Variants in EIF3E observed in about 807,000 individuals in gnomAD.
EIF3E encodes eukaryotic translation initiation factor 3 subunit E, also known as eIF-3 p48.
Under a neutral mutation model 59.3 loss-of-function variants are expected in EIF3E, and 25 were observed. The ratio of observed to expected loss-of-function variants is 0.42; its 90% CI spans 0.31 to 0.59. EIF3E has a LOEUF of 0.59. Among genes scored for constraint, EIF3E ranks in the 20% least tolerant of loss-of-function variants. The probability of loss-of-function intolerance (pLI) is 0.15; values close to 1 mark genes in which losing one functional copy is unlikely to be tolerated. For synonymous variants in EIF3E, 176 were observed against 170.2 expected, an observed-to-expected ratio of 1.03 and a Z score of -0.26; for missense variants, 317 against 534.3, an observed-to-expected ratio of 0.59 and a Z score of 4.01.
At chr8:108,239,868 T>C (rs1203959171) in intron 3 of EIF3E, 90 bp downstream of exon 3, 3 of 1,062,758 alleles carry the variant, frequency 2.8e-6, no homozygotes, top group Non-Finnish European at 4.3e-6. Context: ...CCATGAACTT[T>C]TACTATGGGA....
intron 5 of EIF3E, among the ~76,000 whole-genome samples, chr8:108,232,526 A>G (rs1203288003): frequency 6.6e-6 from 1 of 152,178 alleles, no homozygotes; most frequent in Non-Finnish European, 1.5e-5. Flanking sequence ...ATATTTTAAA[A>G]AAATAAACAT....
At chr8:108,215,858 C>A (rs2129864730) in intron 9 of EIF3E, among the ~76,000 whole-genome samples, 1 of 152,196 alleles carries the variant, frequency 6.6e-6, no homozygotes. Flanking sequence ...TATAAGTCTT[C>A]CATTTGCTCT....
chr8:108,207,575 C>T (rs985976519), intron 10 of EIF3E, among the ~76,000 whole-genome samples: 2 of 152,126 alleles, frequency 1.3e-5, no homozygotes, highest in Non-Finnish European at 2.9e-5. Flanking sequence ...AATATCTAGT[C>T]CAATCCAGAT....
chr8:108,244,024 A>C (rs1280008995), intron 1 of EIF3E, among the ~76,000 whole-genome samples: 1 of 152,194 alleles, frequency 6.6e-6, no homozygotes, highest in Admixed American at 6.5e-5. Context: ...CTGCCTCATA[A>C]GCAGAAAGCA....
intron 11 of EIF3E, 52 bp downstream of exon 11, chr8:108,203,349 A>G: frequency 6.6e-7 from 1 of 1,519,782 alleles, no homozygotes; most frequent in Non-Finnish European, 9.0e-7. Flanking sequence ...AAGAATTCCC[A>G]AAAGTATAAT....
chr8:108,235,387 G>A (rs1442542820), intron 4 of EIF3E, among the ~76,000 whole-genome samples: 1 of 152,170 alleles, frequency 6.6e-6, no homozygotes, highest in Non-Finnish European at 1.5e-5. Context: ...GATCATCAAG[G>A]CACTAGCTGG....
chr8:108,238,581 T>C (rs1313377246), intron 3 of EIF3E, among the ~76,000 whole-genome samples: 2 of 152,230 alleles, frequency 1.3e-5, no homozygotes, highest in Non-Finnish European at 2.9e-5. Flanking sequence ...CAATCTGCAG[T>C]TGGCTGAATC....
chr8:108,241,777 C>G (rs1815840932), intron 2 of EIF3E, 22 bp downstream of exon 2: 2 of 1,429,402 alleles, frequency 1.4e-6, no homozygotes, highest in Non-Finnish European at 1.9e-6. Context: ...AGACAAGTTT[C>G]AGTTCTAATG....
At chr8:108,239,651 C>T (rs1422768019) in intron 3 of EIF3E, among the ~76,000 whole-genome samples, 1 of 152,018 alleles carries the variant, frequency 6.6e-6, no homozygotes, top group African/African-American at 2.4e-5. Context: ...TTATGACAAC[C>T]AAAAAGTATT....
chr8:108,205,910 T>C (rs1815092575), intron 10 of EIF3E, among the ~76,000 whole-genome samples: 1 of 152,208 alleles, frequency 6.6e-6, no homozygotes, highest in Non-Finnish European at 1.5e-5. Context: ...TTTATCATAG[T>C]TATGTGTGCA....
At chr8:108,202,249 T>C (rs530184917) in intron 12 of EIF3E, among the ~76,000 whole-genome samples, 4 of 152,124 alleles carry the variant, frequency 2.6e-5, no homozygotes, top group Admixed American at 1.3e-4. Flanking sequence ...GGCTCAGTTA[T>C]TCTAAACTTG....
chr8:108,242,123 A>G, intron 1 of EIF3E: 1 of 1,439,656 alleles, frequency 6.9e-7, no homozygotes, highest in Admixed American at 2.1e-5. Flanking sequence ...TAAAAATTTT[A>G]AAATGAAGAG....
In EIF3E at chr8:108,245,256, A is replaced by G. The variant is rs532235872; in HGVS notation, c.91-3343T>C. On this transcript the variant is annotated intron_variant, in intron 1 of 12. Transcript: ENST00000220849. ...CCAAGGTGGCAGATCACTTGAGTTC[A>G]GGAGTTTGAGACCAGCCTGGGTAAC... Among the ~76,000 whole-genome samples the G allele has an allele frequency of 6.6e-5, 10 of 152,216 alleles. No homozygotes were observed. In the South Asian group the frequency reaches 2.1e-3, roughly 32 times the overall value.
chr8:108,242,848 C>A (rs28490402), intron 1 of EIF3E: 8,594 of 196,728 alleles, frequency 0.044, 352 homozygotes, highest in African/African-American at 0.12. Flanking sequence ...ACAATAAAAA[C>A]CTAAAAAATC....
At chr8:108,229,590 G>A (rs1815583388) in intron 5 of EIF3E, among the ~76,000 whole-genome samples, 1 of 151,994 alleles carries the variant, frequency 6.6e-6, no homozygotes, top group African/African-American at 2.4e-5. Context: ...CAAGACACGT[G>A]AGTCTCATTT....
chr8:108,222,790 G>A (rs895149051), intron 7 of EIF3E, among the ~76,000 whole-genome samples: 4 of 149,882 alleles, frequency 2.7e-5, no homozygotes, highest in Non-Finnish European at 3.0e-5. Flanking sequence ...TGTAATAGCA[G>A]GCTATACTTC....
Position 108,203,561 on chromosome 8 carries a change from T to C in EIF3E, c.1062-58A>G, listed in dbSNP as rs1479823987. On this transcript the variant is annotated intron_variant, in intron 10 of 12. Coordinates refer to ENST00000220849, the MANE Select transcript of EIF3E (RefSeq NM_001568.3). ...AACTGGGCCTAAAAACTTAGTTTTA[T>C]GTACACAGTGTTGACTCACACTCTG... The C allele has an allele frequency of 2.3e-5, 31 of 1,364,146 alleles. 1 individual carries two copies. Among genetic ancestry groups the C allele is most frequent in the Non-Finnish European group, 2.8e-5 (27 of 954,914 alleles). 84.5% of individuals were successfully genotyped at this position (1,364,146 alleles called of 1,614,324 possible).
At chr8:108,229,247 CA>C (rs778305220) in intron 5 of EIF3E, 52 bp from the exon 6 acceptor site, 1 of 1,579,964 alleles carries the variant, frequency 6.3e-7, no homozygotes, top group South Asian at 1.1e-5. Context: ...GAAAAATGAA[CA>C]TAATGTATGT....
intron 8 of EIF3E, 73 bp downstream of exon 8, chr8:108,217,261 T>C (rs999861624): frequency 2.7e-5 from 33 of 1,213,516 alleles, no homozygotes; most frequent in Non-Finnish European, 3.5e-5. Context: ...AACTAAGTCT[T>C]ACCTTAGAAA....
Sources: allele counts gnomAD v4.1 joint callset (sites outside exome capture counted in the v4.1 genomes callset), GRCh38; gene constraint gnomAD v4.1.1; transcripts MANE v1.5; gene names NCBI Gene and HGNC (gene_info 2026-07-23, HGNC 2026-07-21).